LANCL2: variants seen among roughly 807,000 people sequenced by gnomAD.
LANCL2 encodes lanC-like protein 2.
A neutral mutation model predicts 56.9 loss-of-function variants in LANCL2; 33 were observed. That is an observed-to-expected ratio of 0.58 (90% CI 0.44 to 0.78). LANCL2 has a LOEUF of 0.78. Ranked by LOEUF, LANCL2 falls within the 30% of genes least tolerant of loss-of-function variation. The probability of loss-of-function intolerance (pLI) is 0.00; values close to 1 mark genes in which losing one functional copy is unlikely to be tolerated. For missense variants in LANCL2, 562 were observed against 580.2 expected, an observed-to-expected ratio of 0.97 and a Z score of 0.32; for synonymous variants, 233 against 228.2, an observed-to-expected ratio of 1.02 and a Z score of -0.19.
chr7:55,406,095 A>G (rs2128994536), intron 5 of LANCL2, among the ~76,000 whole-genome samples: 1 of 152,340 alleles, frequency 6.6e-6, no homozygotes, highest in East Asian at 1.9e-4. Flanking sequence ...GCAGGAACGT[A>G]TGCCAAGCCA....
At chr7:55,400,156 G>T in intron 4 of LANCL2, 52 bp downstream of exon 4, 2 of 1,413,286 alleles carry the variant, frequency 1.4e-6, no homozygotes, top group Non-Finnish European at 1.9e-6. Flanking sequence ...AAACCTATTT[G>T]CTAGCATTGA....
At position 55,412,090 on chromosome 7, in the gene LANCL2, G is replaced by A; in HGVS notation, c.1008+1G>A. ...CCACATGCTCATGCAGGCGTACAAG[G>A]TCAGTGCTTCCGCCGTCACGGCCGT... On this transcript the variant is annotated splice_donor_variant, in intron 6 of 8. Transcript: ENST00000254770. LOFTEE classifies it high-confidence loss of function. 1 of 1,610,758 alleles carries A rather than the reference G, an allele frequency of 6.2e-7. No homozygotes were observed. The highest frequency in any genetic ancestry group is 2.2e-5 in the East Asian group (1 of 44,798).
chr7:55,395,398 G>A (rs369412884), intron 2 of LANCL2, among the ~76,000 whole-genome samples: 14 of 152,216 alleles, frequency 9.2e-5, no homozygotes, highest in Non-Finnish European at 1.8e-4. Context: ...GAGATGGCTA[G>A]ACAGTAAGAG....
intron 2 of LANCL2, among the ~76,000 whole-genome samples, chr7:55,397,717 G>A (rs1790271910): frequency 7.4e-6 from 1 of 134,942 alleles, no homozygotes; most frequent in Admixed American, 8.0e-5. Context: ...CAGATGTAAG[G>A]ACATGCTTCT....
At chr7:55,414,826 AT>A (rs775575103) in intron 6 of LANCL2, among the ~76,000 whole-genome samples, 154 of 152,004 alleles carry the variant, frequency 1.0e-3, no homozygotes, top group Non-Finnish European at 2.0e-3. Flanking sequence ...CTAAAAAAAA[AT>A]ACAAAAATTA....
Position 55,398,428 on chromosome 7 carries a change from G to T in LANCL2, c.328G>T (p.Ala110Ser), listed in dbSNP as rs1454970530. ...CSAYTGWTGI[A>S]LLYLQLYRVT... ...GGGGTGGGAAATTATTCCAGGCATAGCCCTTTTGTACCTGCAGTTGTACCG... is the reference window on the plus strand; with the variant it reads ...GGGGTGGGAAATTATTCCAGGCATATCCCTTTTGTACCTGCAGTTGTACCG... Residue 110 changes from alanine (A) to serine (S), a missense_variant, in exon 3 of 9, where the codon GCC becomes TCC. Ala to Ser is a moderately conservative substitution (Grantham distance 99). Transcript: ENST00000254770. 5.6e-6 allele frequency: 9 copies of T among 1,612,794 alleles called. No homozygotes were observed. Among genetic ancestry groups the T allele is most frequent in the Non-Finnish European group, 5.1e-6 (6 of 1,178,804 alleles).
At chr7:55,395,747 A>G (rs1471351123) in intron 2 of LANCL2, among the ~76,000 whole-genome samples, 1 of 152,266 alleles carries the variant, frequency 6.6e-6, no homozygotes, top group African/African-American at 2.4e-5. Context: ...TCTTAGCTCC[A>G]TCAGAGAAGT....
chr7:55,413,619 G>A (rs890667884), intron 6 of LANCL2, among the ~76,000 whole-genome samples: 7 of 152,308 alleles, frequency 4.6e-5, no homozygotes, highest in African/African-American at 1.7e-4. Context: ...CTGGCCACTT[G>A]GGAGCAAGCC....
intron 2 of LANCL2, among the ~76,000 whole-genome samples, chr7:55,393,579 A>G (rs990279480): frequency 6.6e-6 from 1 of 152,122 alleles, no homozygotes; most frequent in African/African-American, 2.4e-5. Context: ...AACAGCATAG[A>G]CAGAGATATA....
chr7:55,405,224 C>T (rs1196036409), intron 5 of LANCL2, among the ~76,000 whole-genome samples: 1 of 152,130 alleles, frequency 6.6e-6, no homozygotes, highest in Non-Finnish European at 1.5e-5. Context: ...GAGACTGTTG[C>T]CCTGGTTGAA....
chr7:55,403,951 A>G (rs899835652), intron 5 of LANCL2, among the ~76,000 whole-genome samples: 11 of 152,172 alleles, frequency 7.2e-5, no homozygotes, highest in African/African-American at 2.7e-4. Context: ...AGGGAGCAAC[A>G]GGGCCTGCAG....
intron 6 of LANCL2, among the ~76,000 whole-genome samples, chr7:55,416,969 GTTTTTTTTTTTTT>G (rs869116156): frequency 2.3e-4 from 19 of 81,658 alleles, no homozygotes; most frequent in African/African-American, 1.2e-3. Context: ...AAACGAGGTG[GTTTTTTTTTTTTT>G]TTTTTTTTTT....
chr7:55,381,236 G>A (rs377594718), intron 1 of LANCL2, among the ~76,000 whole-genome samples: 4 of 152,190 alleles, frequency 2.6e-5, no homozygotes, highest in East Asian at 1.9e-4. Context: ...CTGTGTCCAC[G>A]TCTTTTATCC....
At chr7:55,400,727 T>A (rs929840412) in intron 4 of LANCL2, among the ~76,000 whole-genome samples, 6 of 152,228 alleles carry the variant, frequency 3.9e-5, no homozygotes, top group Non-Finnish European at 7.3e-5. Context: ...CATGATATTC[T>A]GTTGATCTAA....
intron 5 of LANCL2, among the ~76,000 whole-genome samples, chr7:55,409,045 T>C (rs1790442932): frequency 6.6e-6 from 1 of 151,194 alleles, no homozygotes; most frequent in African/African-American, 2.4e-5. Flanking sequence ...CATTGGACTT[T>C]GCAACAGTTT....
At chr7:55,383,561 C>A (rs1445788182) in intron 1 of LANCL2, among the ~76,000 whole-genome samples, 1 of 152,196 alleles carries the variant, frequency 6.6e-6, no homozygotes, top group African/African-American at 2.4e-5. Context: ...CATATCAGTA[C>A]TTGCTAGCCT....
chr7:55,425,188 A>T, intron 6 of LANCL2, 66 bp from the exon 7 acceptor site: 1 of 1,505,540 alleles, frequency 6.6e-7, no homozygotes, highest in Admixed American at 1.8e-5. Context: ...CCAGAAAGGG[A>T]AAGTATTTTG....
At chr7:55,392,025 G>A (rs1790197162) in intron 2 of LANCL2, 115 bp downstream of exon 2, 1 of 599,980 alleles carries the variant, frequency 1.7e-6, no homozygotes. Context: ...AGGCACGGTG[G>A]CTGACGCCTG....
chr7:55,391,101 C>T (rs1790183440), intron 1 of LANCL2, among the ~76,000 whole-genome samples: 1 of 150,156 alleles, frequency 6.7e-6, no homozygotes, highest in South Asian at 2.1e-4. Context: ...ACTGTAAGCT[C>T]CGCCTCCCGG....
Sources: allele counts gnomAD v4.1 joint callset (sites outside exome capture counted in the v4.1 genomes callset), GRCh38; gene constraint gnomAD v4.1.1; transcripts MANE v1.5; gene names NCBI Gene and HGNC (gene_info 2026-07-23, HGNC 2026-07-21).